The following EXOC2 variants were observed in gnomAD, a reference collection of about 807,000 sequenced individuals.
The protein encoded by EXOC2 is SEC5-like 1.
A neutral mutation model predicts 131.8 loss-of-function variants in EXOC2; 70 were observed. That is an observed-to-expected ratio of 0.53 (90% CI 0.44 to 0.65). The LOEUF is 0.65. Ranked by LOEUF, EXOC2 falls within the 30% of genes least tolerant of loss-of-function variation. The pLI, the probability that EXOC2 is intolerant of heterozygous loss-of-function variation, is 0.00. For synonymous variants in EXOC2, 411 were observed against 398.4 expected (o/e 1.03, Z -0.38); for missense variants, 923 against 1,108.6 (o/e 0.83, Z 2.38).
At chr6:619,401 T>C (rs1454282614) in intron 5 of EXOC2, 29 bp downstream of exon 5, 2 of 1,552,572 alleles carry the variant, frequency 1.3e-6, no homozygotes, top group Admixed American at 3.4e-5. Context: ...GTGAAACCCT[T>C]CACAGTTGAC....
At chr6:665,294 T>C (rs1303873439) in intron 1 of EXOC2, among the ~76,000 whole-genome samples, 3 of 152,130 alleles carry the variant, frequency 2.0e-5, no homozygotes, top group Non-Finnish European at 4.4e-5. Context: ...TACATGTTGG[T>C]GTAGATGCGG....
intron 12 of EXOC2, among the ~76,000 whole-genome samples, chr6:573,482 G>A (rs1407331484): frequency 1.3e-5 from 2 of 152,124 alleles, no homozygotes; most frequent in Non-Finnish European, 2.9e-5. Flanking sequence ...TCAGCACAAT[G>A]ACGCCGCGGA....
intron 2 of EXOC2, among the ~76,000 whole-genome samples, chr6:635,297 C>A: frequency 6.6e-6 from 1 of 152,164 alleles, no homozygotes; most frequent in East Asian, 1.9e-4. Context: ...ATGAGCAAAC[C>A]TGAATGATAT....
At chr6:544,561 C>A (rs995347077) in intron 22 of EXOC2, among the ~76,000 whole-genome samples, 25 of 151,996 alleles carry the variant, frequency 1.6e-4, no homozygotes, top group Non-Finnish European at 2.9e-4. Flanking sequence ...TTTGTTTATA[C>A]GTATAACACA....
At chr6:537,022 C>G (rs1186166568) in intron 22 of EXOC2, among the ~76,000 whole-genome samples, 1 of 152,134 alleles carries the variant, frequency 6.6e-6, no homozygotes, top group African/African-American at 2.4e-5. Flanking sequence ...CTGAATGTAT[C>G]TGAATATACA....
At chr6:555,393 C>G (rs995169562) in intron 19 of EXOC2, 105 bp from the exon 20 acceptor site, 4 of 636,602 alleles carry the variant, frequency 6.3e-6, no homozygotes, top group Non-Finnish European at 1.0e-5. Context: ...TTATATATCT[C>G]ATTAGTGGTG....
intron 6 of EXOC2, among the ~76,000 whole-genome samples, chr6:615,456 A>G (rs1244879122): frequency 6.6e-6 from 1 of 152,198 alleles, no homozygotes; most frequent in Non-Finnish European, 1.5e-5. Flanking sequence ...GTTAAATGAC[A>G]CCACAAGGAA....
intron 22 of EXOC2, among the ~76,000 whole-genome samples, chr6:537,580 A>T (rs1050843746): frequency 1.3e-5 from 2 of 152,246 alleles, no homozygotes; most frequent in Non-Finnish European, 2.9e-5. Context: ...TGCCACGACC[A>T]GCTATTGTAC....
At chr6:632,514 C>G (rs1232678231) in intron 3 of EXOC2, among the ~76,000 whole-genome samples, 2 of 152,142 alleles carry the variant, frequency 1.3e-5, no homozygotes, top group Non-Finnish European at 2.9e-5. Context: ...AATGTATCAT[C>G]TGGGCCTTGA....
At chr6:641,175 G>C (rs1265372797) in intron 1 of EXOC2, among the ~76,000 whole-genome samples, 1 of 152,050 alleles carries the variant, frequency 6.6e-6, no homozygotes, top group African/African-American at 2.4e-5. Context: ...TCACATAATG[G>C]GAGGCTGACA....
At chr6:671,332 C>T (rs533169099) in intron 1 of EXOC2, among the ~76,000 whole-genome samples, 26 of 147,862 alleles carry the variant, frequency 1.8e-4, no homozygotes, top group African/African-American at 6.5e-4. Flanking sequence ...GTGAGACTGT[C>T]TCAAAACAAC....
At chr6:555,160 T>C (rs966501552) in intron 20 of EXOC2, 67 bp downstream of exon 20, 4 of 927,470 alleles carry the variant, frequency 4.3e-6, no homozygotes, top group Non-Finnish European at 6.1e-6. Context: ...AGACCAAGCA[T>C]AAAACTTGAG....
chr6:582,953 G>C (rs905312274), intron 11 of EXOC2, among the ~76,000 whole-genome samples: 2 of 151,930 alleles, frequency 1.3e-5, no homozygotes, highest in Non-Finnish European at 2.9e-5. Context: ...GTTCACCAAA[G>C]GAAATGTAAA....
intron 22 of EXOC2, among the ~76,000 whole-genome samples, chr6:548,195 A>C (rs1304629671): frequency 6.6e-6 from 1 of 152,166 alleles, no homozygotes; most frequent in Non-Finnish European, 1.5e-5. Context: ...AGGATGATTA[A>C]TCTTTACAAA....
intron 23 of EXOC2, among the ~76,000 whole-genome samples, chr6:521,111 C>G (rs1405698184): frequency 0.012 from 718 of 60,654 alleles, 15 homozygotes; most frequent in Middle Eastern, 0.058. Flanking sequence ...CACACTCGGA[C>G]ATGAAAACAA....
chr6:571,348 T>C (rs1451579813), intron 13 of EXOC2, among the ~76,000 whole-genome samples: 1 of 152,234 alleles, frequency 6.6e-6, no homozygotes, highest in Non-Finnish European at 1.5e-5. Context: ...ATTACACATT[T>C]CTGTTTTTAT....
chr6:522,392 A>G (rs1244982878), intron 23 of EXOC2, among the ~76,000 whole-genome samples: 1 of 137,214 alleles, frequency 7.3e-6, no homozygotes, highest in Non-Finnish European at 1.5e-5. Flanking sequence ...GCGTGTGGGG[A>G]GCACTGTGAG....
chr6:491,127 G>A lies in EXOC2; in HGVS notation c.2619C>T (p.Ser873=). 6.2e-7 allele frequency: 1 copy of A among 1,614,116 alleles called. No individual in the cohort carries two copies. Among genetic ancestry groups the A allele is most frequent in the Non-Finnish European group, 8.5e-7 (1 of 1,179,994 alleles). ...DTVAVYLTPE[S]KSSFKQALEA... is the part of the protein sequence containing the mutation. ...AACTAAAGAACACTGCCACTTACTTGCTTTCGGGTGTCAGGTAAACAGCCA... is the reference window on the plus strand; with the variant it reads ...AACTAAAGAACACTGCCACTTACTTACTTTCGGGTGTCAGGTAAACAGCCA... Residue 873 remains serine (S), a splice_region_variant and synonymous_variant, in exon 26 of 28, where the codon AGC becomes AGT. Coordinates refer to ENST00000230449, the MANE Select transcript of EXOC2 (RefSeq NM_018303.6).
chr6:686,466 C>T (rs1764659727), intron 1 of EXOC2, among the ~76,000 whole-genome samples: 1 of 151,860 alleles, frequency 6.6e-6, no homozygotes, highest in African/African-American at 2.4e-5. Context: ...TAAAGGCCTT[C>T]CCTCCCTCTA....
Sources: gnomAD v4.1 joint callset for allele counts (sites outside exome capture counted in the v4.1 genomes callset) on GRCh38, gnomAD v4.1.1 for gene constraint, MANE v1.5 for transcripts, NCBI Gene and HGNC (gene_info 2026-07-23, HGNC 2026-07-21) for gene names.